The following FNDC3B variants were observed in gnomAD, a reference collection of about 807,000 sequenced individuals.
The protein encoded by FNDC3B is fibronectin type III domain-containing protein 3B.
A neutral mutation model predicts 151.5 loss-of-function variants in FNDC3B; 12 were observed. The observed-to-expected ratio is 0.08, with a 90% CI of 0.05 to 0.13. The LOEUF (loss-of-function observed/expected upper bound fraction) is 0.13. FNDC3B is among the 10% of genes least tolerant of loss of function. FNDC3B has a pLI of 1.00. For missense variants in FNDC3B, 1,214 were observed against 1,505.3 expected (o/e 0.81, Z 3.20); for synonymous variants, 528 against 549.0 (o/e 0.96, Z 0.54).
chr3:172,314,748 G>A (rs1181809668), intron 11 of FNDC3B, among the ~76,000 whole-genome samples: 1 of 152,178 alleles, frequency 6.6e-6, no homozygotes, highest in Non-Finnish European at 1.5e-5. Flanking sequence ...ATGCTGTGCC[G>A]AGTTGACCTT....
chr3:172,293,728 A>C (rs1482424893), intron 7 of FNDC3B, among the ~76,000 whole-genome samples: 1 of 152,230 alleles, frequency 6.6e-6, no homozygotes, highest in Non-Finnish European at 1.5e-5. Context: ...TTGGCTAAAT[A>C]TATCATGATA....
chr3:172,067,111 C>T (rs1442622932), intron 1 of FNDC3B, among the ~76,000 whole-genome samples: 7 of 152,210 alleles, frequency 4.6e-5, no homozygotes, highest in Admixed American at 1.3e-4. Context: ...TCCGCAGTCT[C>T]CTACCCTCAC....
At chr3:172,239,221 A>G (rs529717705) in intron 4 of FNDC3B, among the ~76,000 whole-genome samples, 34 of 152,094 alleles carry the variant, frequency 2.2e-4, no homozygotes, top group African/African-American at 7.7e-4. Context: ...GAGAGGGGAG[A>G]GGTGAGCACC....
At chr3:172,301,117 A>G (rs1357044879) in intron 9 of FNDC3B, among the ~76,000 whole-genome samples, 6 of 152,204 alleles carry the variant, frequency 3.9e-5, no homozygotes, top group Admixed American at 1.3e-4. Flanking sequence ...TCGCTTTGTC[A>G]TGTATAAAAT....
At chr3:172,110,600 G>A (rs1486647001) in intron 1 of FNDC3B, among the ~76,000 whole-genome samples, 1 of 151,730 alleles carries the variant, frequency 6.6e-6, no homozygotes, top group Non-Finnish European at 1.5e-5. Flanking sequence ...CCTGTAAGAT[G>A]TCAGAGCTAT....
chr3:172,191,678 G>C (rs550383670), intron 3 of FNDC3B, among the ~76,000 whole-genome samples: 1 of 152,136 alleles, frequency 6.6e-6, no homozygotes, highest in Non-Finnish European at 1.5e-5. Flanking sequence ...TAAATTTTTT[G>C]TAGAGATGGG....
At chr3:172,291,269 G>A (rs1222874339) in intron 7 of FNDC3B, among the ~76,000 whole-genome samples, 1 of 152,188 alleles carries the variant, frequency 6.6e-6, no homozygotes, top group East Asian at 1.9e-4. Flanking sequence ...TTAATAAATA[G>A]ACGAGTGATT....
chr3:172,329,269 T>C lies in FNDC3B; in HGVS notation c.1379+193T>C, dbSNP rs996335286. ...GTGAATGTCACTATGGCCTCTGCAG[T>C]CTTGCAAGCTGTATTGCGAAGGCCC... On this transcript the variant is annotated intron_variant, in intron 12 of 25. Transcript: ENST00000415807. The C allele has an allele frequency of 1.2e-5, 7 of 579,230 alleles. No homozygotes were observed. In the Admixed American group the frequency reaches 2.4e-4, roughly 20 times the overall value. 35.9% of individuals were successfully genotyped at this position (579,230 alleles called of 1,614,324 possible).
chr3:172,250,847 T>C (rs1198441724), intron 5 of FNDC3B, among the ~76,000 whole-genome samples: 1 of 152,196 alleles, frequency 6.6e-6, no homozygotes, highest in African/African-American at 2.4e-5. Flanking sequence ...GACAGAGTCT[T>C]GCTCTGTCGC....
chr3:172,077,729 C>T (rs1340146331), intron 1 of FNDC3B, among the ~76,000 whole-genome samples: 2 of 151,990 alleles, frequency 1.3e-5, no homozygotes, highest in East Asian at 3.9e-4. Context: ...CTTTTTCCCC[C>T]CCAAAAAAGA....
intron 3 of FNDC3B, among the ~76,000 whole-genome samples, chr3:172,149,921 C>T (rs192709452): frequency 7.3e-6 from 1 of 137,266 alleles, no homozygotes; most frequent in South Asian, 2.4e-4. Context: ...CAGGTTCAAG[C>T]GATTCTCGAG....
intron 1 of FNDC3B, among the ~76,000 whole-genome samples, chr3:172,093,414 GCA>G (rs1718941044): frequency 6.6e-6 from 1 of 151,622 alleles, no homozygotes; most frequent in African/African-American, 2.4e-5. Flanking sequence ...GCCCGCCACC[GCA>G]CCCGGCTAAT....
At chr3:172,155,713 A>G (rs1156572043) in intron 3 of FNDC3B, among the ~76,000 whole-genome samples, 1 of 152,208 alleles carries the variant, frequency 6.6e-6, no homozygotes, top group Non-Finnish European at 1.5e-5. Context: ...GTGAATGGAG[A>G]GGATGGGATA....
chr3:172,275,260 T>G (rs1044186126), intron 6 of FNDC3B, among the ~76,000 whole-genome samples: 1 of 152,148 alleles, frequency 6.6e-6, no homozygotes, highest in Non-Finnish European at 1.5e-5. Flanking sequence ...CTCTTGGACT[T>G]TTTAAACTGC....
chr3:172,143,826 T>G (rs757285309), intron 3 of FNDC3B, among the ~76,000 whole-genome samples: 71 of 152,112 alleles, frequency 4.7e-4, no homozygotes, highest in Non-Finnish European at 8.8e-4. Flanking sequence ...GGAGAATCGC[T>G]TGAACCTGGG....
At chr3:172,093,915 T>G (rs1476011419) in intron 1 of FNDC3B, among the ~76,000 whole-genome samples, 1 of 152,218 alleles carries the variant, frequency 6.6e-6, no homozygotes. Context: ...TGTATTGAGA[T>G]ATATTTCACA....
In FNDC3B at chr3:172,388,528, AG is replaced by A. The variant is rs1298627576; in HGVS notation, c.3303+7438del. ...ATTGAGTCAAGAGGAAAAGCCCATA[AG>A]GGTGCCTTTGTCAAAATGAATGAAA... On this transcript the variant is annotated intron_variant, in intron 25 of 25. Transcript: ENST00000415807. 2.0e-5 allele frequency among the ~76,000 whole-genome samples: 3 copies of A among 152,374 alleles called. No individual in the cohort carries two copies. The East Asian group carries it at 5.8e-4, about 29-fold the overall frequency.
At chr3:172,070,706 A>T (rs936366835) in intron 1 of FNDC3B, among the ~76,000 whole-genome samples, 1 of 152,234 alleles carries the variant, frequency 6.6e-6, no homozygotes, top group African/African-American at 2.4e-5. Context: ...ATTTGAACAT[A>T]GACAAAAGTA....
Position 172,380,992 on chromosome 3 carries a change from A to G in FNDC3B, c.3202A>G (p.Asn1068Asp). The G allele has an allele frequency of 6.2e-7, 1 of 1,613,610 alleles. No individual in the cohort carries two copies. Among genetic ancestry groups the G allele is most frequent in the Non-Finnish European group, 8.5e-7 (1 of 1,179,592 alleles). The change falls in exon 25 of 26, where the codon AAT becomes GAT. Residue 1068 changes from asparagine (N) to aspartate (D), a missense_variant. Transcript: ENST00000415807. The part of the protein sequence containing the change: ...KAPRVTQLEG[N>D]SCEILWETVP... ...ACCTCGAGTAACACAGTTAGAAGGA[A>G]ATTCATGTGAAATTTTATGGGAGAC...
Sources: gnomAD v4.1 joint callset for allele counts (sites outside exome capture counted in the v4.1 genomes callset) on GRCh38, gnomAD v4.1.1 for gene constraint, MANE v1.5 for transcripts, NCBI Gene and HGNC (gene_info 2026-07-23, HGNC 2026-07-21) for gene names.